The following ANKRD12 variants were observed in gnomAD, a reference collection of about 807,000 sequenced individuals.
The protein encoded by ANKRD12 is ankyrin repeat domain-containing protein 12.
ANKRD12 carries 85 observed loss-of-function variants against 183.4 expected under a neutral mutation model. The ratio of observed to expected loss-of-function variants is 0.46; its 90% CI spans 0.39 to 0.56. The LOEUF is 0.56. Among genes scored for constraint, ANKRD12 ranks in the 20% least tolerant of loss-of-function variants. The probability of loss-of-function intolerance (pLI) is 0.00; values close to 1 mark genes in which losing one functional copy is unlikely to be tolerated. For missense variants in ANKRD12, 2,405 were observed against 2,357.1 expected (o/e 1.02, Z -0.42); for synonymous variants, 914 against 800.2 (o/e 1.14, Z -2.40).
intron 10 of ANKRD12, among the ~76,000 whole-genome samples, chr18:9,270,333 A>G (rs1250595933): frequency 6.6e-6 from 1 of 152,216 alleles, no homozygotes; most frequent in Non-Finnish European, 1.5e-5. Context: ...TTGCGGCACT[A>G]TTCACAGTAG....
chr18:9,167,056 G>T (rs545528382), intron 1 of ANKRD12, among the ~76,000 whole-genome samples: 2 of 152,142 alleles, frequency 1.3e-5, no homozygotes, highest in African/African-American at 2.4e-5. Context: ...TGAGGGCTCT[G>T]TTCTGTTCCA....
intron 8 of ANKRD12, among the ~76,000 whole-genome samples, chr18:9,251,147 C>T (rs1405309612): frequency 6.6e-6 from 1 of 152,114 alleles, no homozygotes; most frequent in East Asian, 1.9e-4. Flanking sequence ...ATTACTTTGT[C>T]AAATGTCAAC....
intron 6 of ANKRD12, among the ~76,000 whole-genome samples, chr18:9,214,436 A>T (rs1250277280): frequency 6.6e-6 from 1 of 152,092 alleles, no homozygotes; most frequent in South Asian, 2.1e-4. Flanking sequence ...GGTGAGCTCA[A>T]ATATTGGGAC....
intron 8 of ANKRD12, among the ~76,000 whole-genome samples, chr18:9,242,651 GA>G (rs1214875830): frequency 1.3e-5 from 2 of 152,134 alleles, no homozygotes; most frequent in Non-Finnish European, 2.9e-5. Flanking sequence ...ATTTTCAGAG[GA>G]AAAATTCTTG....
intron 6 of ANKRD12, 27 bp from the exon 7 acceptor site, chr18:9,216,731 C>T: frequency 1.2e-6 from 2 of 1,605,368 alleles, no homozygotes; most frequent in Non-Finnish European, 1.7e-6. Context: ...GCAAGTGAAT[C>T]ATGTTAAATT....
chr18:9,229,606 G>A (rs184808360), intron 8 of ANKRD12, among the ~76,000 whole-genome samples: 1 of 152,104 alleles, frequency 6.6e-6, no homozygotes, highest in Admixed American at 6.5e-5. Flanking sequence ...TTTTTCAGCT[G>A]TTTCATTATT....
chr18:9,198,295 G>A (rs1168904618), intron 3 of ANKRD12, among the ~76,000 whole-genome samples: 1 of 151,994 alleles, frequency 6.6e-6, no homozygotes, highest in Non-Finnish European at 1.5e-5. Flanking sequence ...GAAAATACAA[G>A]TGGTTCAGAA....
In ANKRD12 at chr18:9,254,371, T is replaced by A. The variant is rs1352666774; in HGVS notation, c.1104T>A (p.Asp368Glu). 2 of 1,609,604 alleles carry A rather than the reference T, an allele frequency of 1.2e-6. No individual in the cohort carries two copies. Among genetic ancestry groups the A allele is most frequent in the African/African-American group, 1.3e-5 (1 of 74,664 alleles). ...AGTATGAGTTCAAAGATGATGATGATGAAGAAATTAATAAGATGATTGATG... is the reference window on the plus strand; with the variant it reads ...AGTATGAGTTCAAAGATGATGATGAAGAAGAAATTAATAAGATGATTGATG... ...LDEYEFKDDDDEEINKMIDDR... is the reference protein window; with the variant it reads ...LDEYEFKDDDEEEINKMIDDR... The change falls in exon 9 of 13, where the codon GAT becomes GAA. Residue 368 changes from aspartate (D) to glutamate (E), a missense_variant. Transcript: ENST00000262126.
chr18:9,197,939 G>T (rs2034940683), intron 3 of ANKRD12, among the ~76,000 whole-genome samples: 1 of 152,130 alleles, frequency 6.6e-6, no homozygotes, highest in South Asian at 2.1e-4. Flanking sequence ...GACGTCTTTG[G>T]TTTAACATAT....
Position 9,222,009 on chromosome 18 carries a change from A to G in ANKRD12, c.943+10A>G. The stretch of plus-strand genomic sequence containing the variant: ...GATGAAAGTTACACAGGTTTGTTTC[A>G]GATAATCTACATTCATCTGTTCGTT... On this transcript the variant is annotated intron_variant, in intron 8 of 12. Coordinates refer to ENST00000262126, the MANE Select transcript of ANKRD12 (RefSeq NM_015208.5). 1.1e-5 allele frequency: 17 copies of G among 1,613,196 alleles called. No homozygotes were observed. The highest frequency in any genetic ancestry group is 1.4e-5 in the Non-Finnish European group (16 of 1,179,552).
chr18:9,249,916 A>G (rs1056440354), intron 8 of ANKRD12, among the ~76,000 whole-genome samples: 8 of 152,224 alleles, frequency 5.3e-5, no homozygotes, highest in Non-Finnish European at 1.0e-4. Flanking sequence ...GCAAGAAGCA[A>G]TGAAAGAGGG....
chr18:9,213,751 T>C lies in ANKRD12; in HGVS notation c.652+1967T>C, dbSNP rs371730381. On this transcript the variant is annotated intron_variant, in intron 6 of 12. Transcript: ENST00000262126. ...TTTTTAAGTTATCTAATATTTCTTT[T>C]GTGAACATGTAACTTTTTAATTACA... is the stretch of plus-strand genomic sequence containing the variant. Among the ~76,000 whole-genome samples the C allele has an allele frequency of 2.5e-4, 38 of 152,004 alleles. No individual in the cohort carries two copies. In the East Asian group the frequency reaches 6.0e-3, roughly 24 times the overall value.
chr18:9,186,951 C>T (rs2034119842), intron 2 of ANKRD12, among the ~76,000 whole-genome samples: 1 of 151,902 alleles, frequency 6.6e-6, no homozygotes, highest in Non-Finnish European at 1.5e-5. Context: ...CGGGGTTTCA[C>T]CGTGTTAGCC....
intron 8 of ANKRD12, among the ~76,000 whole-genome samples, chr18:9,247,682 A>G (rs917568061): frequency 4.6e-5 from 7 of 151,864 alleles, no homozygotes; most frequent in African/African-American, 7.3e-5. Flanking sequence ...TTTCTTTCCT[A>G]TGTTCTTGGA....
Position 9,255,165 on chromosome 18 carries a change from T to G in ANKRD12, c.1898T>G (p.Phe633Cys), listed in dbSNP as rs748111493. The change falls in exon 9 of 13, where the codon TTT becomes TGT. Residue 633 changes from phenylalanine (F) to cysteine (C), a missense_variant. By Grantham distance (205) the Phe-to-Cys change is radical. Coordinates refer to ENST00000262126, the MANE Select transcript of ANKRD12 (RefSeq NM_015208.5). ...AAGGATGAAGATCATAGTCCAACATTTGAAAATTCAGATTGCACACTGAAA... is the reference window on the plus strand; with the variant it reads ...AAGGATGAAGATCATAGTCCAACATGTGAAAATTCAGATTGCACACTGAAA... ...KIKDEDHSPT[F>C]ENSDCTLKKM... is the part of the protein sequence containing the mutation. The G allele has an allele frequency of 1.2e-5, 19 of 1,584,406 alleles. No homozygotes were observed. The highest frequency in any genetic ancestry group is 1.9e-5 in the Admixed American group (1 of 52,062).
At chr18:9,234,672 C>CT (rs1423202820) in intron 8 of ANKRD12, among the ~76,000 whole-genome samples, 1 of 152,064 alleles carries the variant, frequency 6.6e-6, no homozygotes, top group Non-Finnish European at 1.5e-5. Context: ...AGGATGAAGT[C>CT]TCCTGACAGC....
chr18:9,243,527 G>T (rs1257124729), intron 8 of ANKRD12, among the ~76,000 whole-genome samples: 1 of 152,174 alleles, frequency 6.6e-6, no homozygotes, highest in Non-Finnish European at 1.5e-5. Flanking sequence ...AAGCAGCAGG[G>T]TAAGTTCCTA....
intron 8 of ANKRD12, 42 bp from the exon 9 acceptor site, chr18:9,254,169 G>A (rs2145163839): frequency 6.9e-7 from 1 of 1,442,682 alleles, no homozygotes; most frequent in East Asian, 2.5e-5. Context: ...TGGCAGTTGT[G>A]TTTTGTTTGA....
At chr18:9,204,674 G>T (rs1182709734) in intron 4 of ANKRD12, 130 bp downstream of exon 4, 1 of 663,496 alleles carries the variant, frequency 1.5e-6, no homozygotes, top group Non-Finnish European at 2.4e-6. Flanking sequence ...TGAACTACGT[G>T]GGTGACACCA....
Sources: allele counts gnomAD v4.1 joint callset (sites outside exome capture counted in the v4.1 genomes callset), GRCh38; gene constraint gnomAD v4.1.1; transcripts MANE v1.5; gene names NCBI Gene and HGNC (gene_info 2026-07-23, HGNC 2026-07-21).